The following BAHD1 variants were observed in gnomAD, a reference collection of about 807,000 sequenced individuals.
The protein encoded by BAHD1 is bromo adjacent homology domain-containing 1 protein.
Under a neutral mutation model 63.1 loss-of-function variants are expected in BAHD1, and 20 were observed. The ratio of observed to expected loss-of-function variants is 0.32; its 90% CI spans 0.22 to 0.46. The LOEUF (loss-of-function observed/expected upper bound fraction) is 0.46. Ranked by LOEUF, BAHD1 falls within the 20% of genes least tolerant of loss-of-function variation. BAHD1 has a pLI of 1.00. For missense variants in BAHD1, 939 were observed against 1,071.8 expected (o/e 0.88, Z 1.73); for synonymous variants, 408 against 426.8 (o/e 0.96, Z 0.54).
At chr15:40,447,607 TAAATAA>T (rs1555408580) in intron 1 of BAHD1, among the ~76,000 whole-genome samples, 1 of 136,960 alleles carries the variant, frequency 7.3e-6, no homozygotes, top group Non-Finnish European at 1.6e-5. Flanking sequence ...AATAAATAAA[TAAATAA>T]AAATAAAAAT....
rs533212572 is a variant in BAHD1, at chr15:40,465,452, A to G, written c.2153+17A>G. The G allele has an allele frequency of 3.1e-6, 5 of 1,605,584 alleles. No homozygotes were observed. The Admixed American group carries it at 8.3e-5, about 27-fold the overall frequency. ...GTACTGCAGGTAGGTGGTTCCCTGC[A>G]CCCTCTGGCTGGCCTCTTCCCTCAG... is the stretch of plus-strand genomic sequence containing the variant. On this transcript the variant is annotated intron_variant, in intron 6 of 6. Transcript: ENST00000416165.
chr15:40,464,866 C>T (rs1223780656), intron 5 of BAHD1: 2 of 431,454 alleles, frequency 4.6e-6, no homozygotes, highest in African/African-American at 2.0e-5. Flanking sequence ...AGCTGCATAC[C>T]TGGTCACTTT....
intron 1 of BAHD1, among the ~76,000 whole-genome samples, chr15:40,444,996 C>G (rs1015159279): frequency 1.3e-5 from 2 of 152,034 alleles, no homozygotes; most frequent in Non-Finnish European, 2.9e-5. Context: ...TCTCCTCCTT[C>G]TACTGTAGCA....
At chr15:40,437,897 C>T (rs549358271), upstream of BAHD1, among the ~76,000 whole-genome samples, 8 of 152,258 alleles carry the variant, frequency 5.3e-5, no homozygotes, top group South Asian at 4.1e-4. Flanking sequence ...GGGTGCGCCG[C>T]GTGGTCTCTC....
chr15:40,454,531 T>G (rs1893794814), intron 1 of BAHD1: 1 of 152,130 alleles, frequency 6.6e-6, no homozygotes, highest in Non-Finnish European at 1.5e-5. Context: ...GTTCTCTGGG[T>G]CTTTGGCCTG....
chr15:40,465,644 C>T (rs571612187), intron 6 of BAHD1, among the ~76,000 whole-genome samples: 1 of 152,334 alleles, frequency 6.6e-6, no homozygotes, highest in South Asian at 2.1e-4. Context: ...TGTTGCCACA[C>T]TGAGGTAGAA....
chr15:40,464,452 C>T lies in BAHD1; in HGVS notation c.1976-19C>T. On this transcript the variant is annotated intron_variant, in intron 4 of 6. Transcript: ENST00000416165. Reference sequence around the variant, plus strand: ...TCAGGTTGCCAGTTCAAGCCATAACCACTGTGTTGTCCTTCCAGGAGAGCT... The same window carrying T: ...TCAGGTTGCCAGTTCAAGCCATAACTACTGTGTTGTCCTTCCAGGAGAGCT... The T allele has an allele frequency of 1.9e-6, 3 of 1,607,704 alleles. No individual in the cohort carries two copies. The highest frequency in any genetic ancestry group is 2.6e-6 in the Non-Finnish European group (3 of 1,176,400).
At position 40,459,620 on chromosome 15, in the gene BAHD1, G is replaced by A; in HGVS notation, c.1156G>A (p.Glu386Lys). The change falls in exon 2 of 7, where the codon GAG becomes AAG. Residue 386 changes from glutamate to lysine, a missense_variant. Coordinates refer to ENST00000416165, the MANE Select transcript of BAHD1 (RefSeq NM_014952.5). ...LGSFYLYCGQ[E>K]GLQCGGYSPC... ...CAGCTTCTACCTGTACTGTGGCCAAGAGGGGCTGCAGTGTGGGGGCTACTC... is the reference window on the plus strand; with the variant it reads ...CAGCTTCTACCTGTACTGTGGCCAAAAGGGGCTGCAGTGTGGGGGCTACTC... 1 of 1,614,160 alleles carries A rather than the reference G, an allele frequency of 6.2e-7. No homozygotes were observed. Among genetic ancestry groups the A allele is most frequent in the Non-Finnish European group, 8.5e-7 (1 of 1,180,028 alleles).
intron 3 of BAHD1, among the ~76,000 whole-genome samples, chr15:40,462,991 CAAAAA>C (rs1894096299): frequency 6.6e-6 from 1 of 151,338 alleles, no homozygotes; most frequent in African/African-American, 2.4e-5. Context: ...TAATTAAAAA[CAAAAA>C]GAATATTAAC....
chr15:40,448,995 G>A (rs1893627131), intron 1 of BAHD1, among the ~76,000 whole-genome samples: 1 of 151,942 alleles, frequency 6.6e-6, no homozygotes, highest in Non-Finnish European at 1.5e-5. Flanking sequence ...AGTAGAGACG[G>A]CTAATTTTTG....
chr15:40,441,359 C>G (rs994712071), intron 1 of BAHD1, 91 bp downstream of exon 1: 14 of 150,482 alleles, frequency 9.3e-5, no homozygotes, highest in Admixed American at 2.0e-4. Context: ...GGGGAGAGCA[C>G]CGGCCGCCCG....
rs573230424 is a variant in BAHD1 at position 40,462,030 on chromosome 15, C to T, written c.1551C>T (p.Pro517=). 1.5e-5 allele frequency: 24 copies of T among 1,613,896 alleles called. No homozygotes were observed. Among genetic ancestry groups the T allele is most frequent in the South Asian group, 9.9e-5 (9 of 91,082 alleles). Residue 517 remains proline, a synonymous_variant, in exon 3 of 7, where the codon CCC becomes CCT. Coordinates refer to ENST00000416165, the MANE Select transcript of BAHD1 (RefSeq NM_014952.5). Reference sequence around the variant, plus strand: ...CCAGTGTGCCACCTGCAGCAGAGCCCGTCCCCCATCTTCAGACACCCACCT... The same window carrying T: ...CCAGTGTGCCACCTGCAGCAGAGCCTGTCCCCCATCTTCAGACACCCACCT... ...PVPSVPPAAE[P]VPHLQTPTSE...
At position 40,459,718 on chromosome 15, in the gene BAHD1, T is replaced by C. The variant is rs1222358214; in HGVS notation, c.1254T>C (p.Ala418=). 5 of 1,613,966 alleles carry C rather than the reference T, an allele frequency of 3.1e-6. No homozygotes were observed. The highest frequency in any genetic ancestry group is 1.1e-5 in the South Asian group (1 of 91,070). ...CTCACGAGGAGGGGCTCCTCTTAGCTCCGAGCTCAGTGCCCTCAGGCACCC... is the reference window on the plus strand; with the variant it reads ...CTCACGAGGAGGGGCTCCTCTTAGCCCCGAGCTCAGTGCCCTCAGGCACCC... The part of the protein sequence containing the change: ...AAPHEEGLLL[A]PSSVPSGTPF... Residue 418 remains alanine, a synonymous_variant, in exon 2 of 7, where the codon GCT becomes GCC. Coordinates refer to ENST00000416165, the MANE Select transcript of BAHD1 (RefSeq NM_014952.5).
At position 40,459,383 on chromosome 15, in the gene BAHD1, C is replaced by G. The variant is rs1411403959; in HGVS notation, c.919C>G (p.Pro307Ala). Residue 307 changes from proline to alanine, a missense_variant, in exon 2 of 7, where the codon CCT becomes GCT. Transcript: ENST00000416165. Reference sequence around the variant, plus strand: ...GCCCCTGAGCAAGGCTCTGGAGAGCCCTTTGGGGCTGCGCCCTCACCTGCC... The same window carrying G: ...GCCCCTGAGCAAGGCTCTGGAGAGCGCTTTGGGGCTGCGCCCTCACCTGCC... Reference protein sequence around the residue: ...HQPLSKALESPLGLRPHLPLL... With the variant: ...HQPLSKALESALGLRPHLPLL... 1 of 1,612,450 alleles carries G rather than the reference C, an allele frequency of 6.2e-7. No homozygotes were observed. The highest frequency in any genetic ancestry group is 8.5e-7 in the Non-Finnish European group (1 of 1,179,694).
At chr15:40,452,620 G>A (rs944158421) in intron 1 of BAHD1, among the ~76,000 whole-genome samples, 2 of 151,772 alleles carry the variant, frequency 1.3e-5, no homozygotes, top group East Asian at 1.9e-4. Flanking sequence ...GCTGTGACCT[G>A]CCCTTCCAGG....
intron 1 of BAHD1, chr15:40,443,344 A>T: frequency 1.0e-6 from 1 of 979,258 alleles, no homozygotes; most frequent in Non-Finnish European, 1.2e-6. Context: ...TACCTCACTC[A>T]GGAGGCTAAA....
At chr15:40,464,233 C>T in intron 4 of BAHD1, 1 of 674,406 alleles carries the variant, frequency 1.5e-6, no homozygotes, top group Non-Finnish European at 2.5e-6. Flanking sequence ...CCTTTCCAGC[C>T]AGCAGAGCCT....
At chr15:40,437,871 G>A (rs1396241355), upstream of BAHD1, among the ~76,000 whole-genome samples, 1 of 152,152 alleles carries the variant, frequency 6.6e-6, no homozygotes, top group Non-Finnish European at 1.5e-5. Flanking sequence ...CAGTCTGGTT[G>A]TGTGTGGTGG....
At chr15:40,453,082 G>T (rs556947852) in intron 1 of BAHD1, among the ~76,000 whole-genome samples, 2 of 152,230 alleles carry the variant, frequency 1.3e-5, no homozygotes, top group East Asian at 1.9e-4. Context: ...GCCCTCCTCT[G>T]TCGGGTTGGA....
Sources: gnomAD v4.1 joint callset for allele counts (sites outside exome capture counted in the v4.1 genomes callset) on GRCh38, gnomAD v4.1.1 for gene constraint, MANE v1.5 for transcripts, NCBI Gene and HGNC (gene_info 2026-07-23, HGNC 2026-07-21) for gene names.